Variants in MGAT4C observed in about 807,000 individuals in gnomAD.
MGAT4C encodes MGAT4 family member C.
Under a neutral mutation model 40.1 loss-of-function variants are expected in MGAT4C, and 19 were observed. The observed-to-expected ratio is 0.47, with a 90% CI of 0.33 to 0.70. The LOEUF is 0.70. Among genes scored for constraint, MGAT4C ranks in the 30% least tolerant of loss-of-function variants. MGAT4C has a pLI of 0.02. For missense variants in MGAT4C, 491 were observed against 563.2 expected, an observed-to-expected ratio of 0.87 and a Z score of 1.30; for synonymous variants, 181 against 187.1, an observed-to-expected ratio of 0.97 and a Z score of 0.27.
intron 2 of MGAT4C, among the ~76,000 whole-genome samples, chr12:86,666,720 G>C (rs1332340785): frequency 1.3e-5 from 2 of 152,056 alleles, no homozygotes; most frequent in Non-Finnish European, 2.9e-5. Flanking sequence ...AAGATTTCAA[G>C]TTTTTTTCCT....
chr12:86,632,199 C>T (rs1963069222), intron 2 of MGAT4C, among the ~76,000 whole-genome samples: 1 of 151,988 alleles, frequency 6.6e-6, no homozygotes, highest in African/African-American at 2.4e-5. Flanking sequence ...ATCAAAATCA[C>T]AATGAGATAG....
At chr12:86,813,648 T>C (rs980411374) in intron 1 of MGAT4C, among the ~76,000 whole-genome samples, 8 of 152,198 alleles carry the variant, frequency 5.3e-5, no homozygotes, top group Middle Eastern at 3.4e-3. Context: ...TCACTACATA[T>C]TTCTGAAAAA....
Position 85,989,459 on chromosome 12 carries a change from C to T in MGAT4C, c.88G>A (p.Gly30Arg). Reference sequence around the variant, plus strand: ...AAAAGGAGAAAAATGACAAGAACTCCCAAGAATGACACTGTAGAACGTTTT... The same window carrying T: ...AAAAGGAGAAAAATGACAAGAACTCTCAAGAATGACACTGTAGAACGTTTT... ...LRKRSTVSFLGVLVIFLLFMN... is the reference protein window; with the variant it reads ...LRKRSTVSFLRVLVIFLLFMN... Residue 30 changes from glycine to arginine, a missense_variant, in exon 3 of 5, where the codon GGA becomes AGA. Gly to Arg is a moderately radical substitution (Grantham distance 125). Transcript: ENST00000611864. 6.2e-7 allele frequency: 1 copy of T among 1,607,522 alleles called. No homozygotes were observed. The highest frequency in any genetic ancestry group is 8.5e-7 in the Non-Finnish European group (1 of 1,176,324).
At chr12:86,683,652 G>A (rs1243344472) in intron 2 of MGAT4C, among the ~76,000 whole-genome samples, 2 of 152,066 alleles carry the variant, frequency 1.3e-5, no homozygotes, top group African/African-American at 2.4e-5. Context: ...GACATAGAGT[G>A]AACCCACAGC....
At chr12:86,189,475 C>G (rs557712227) in intron 1 of MGAT4C, among the ~76,000 whole-genome samples, 22 of 151,716 alleles carry the variant, frequency 1.5e-4, no homozygotes, top group African/African-American at 4.6e-4. Flanking sequence ...AAACAAGGAG[C>G]ACTAGGAAAA....
At chr12:86,301,503 G>A (rs891398181) in intron 4 of MGAT4C, among the ~76,000 whole-genome samples, 1 of 152,066 alleles carries the variant, frequency 6.6e-6, no homozygotes, top group Non-Finnish European at 1.5e-5. Context: ...ATGCTCCTTG[G>A]TATAGAAATA....
chr12:86,056,644 T>C (rs1166225683), intron 1 of MGAT4C, among the ~76,000 whole-genome samples: 4 of 152,178 alleles, frequency 2.6e-5, no homozygotes, highest in African/African-American at 4.8e-5. Context: ...TGATGGACAT[T>C]TGGGCTGGTT....
At chr12:86,335,666 G>C (rs902521237) in intron 3 of MGAT4C, among the ~76,000 whole-genome samples, 12 of 152,070 alleles carry the variant, frequency 7.9e-5, no homozygotes, top group African/African-American at 2.9e-4. Flanking sequence ...GAATTCAGAA[G>C]TAATTATACT....
chr12:86,751,476 G>A (rs1180086983), intron 1 of MGAT4C, among the ~76,000 whole-genome samples: 1 of 151,926 alleles, frequency 6.6e-6, no homozygotes, highest in African/African-American at 2.4e-5. Context: ...AAAAACTATT[G>A]AAATTTTAGC....
chr12:86,275,886 G>A (rs1953065888), intron 4 of MGAT4C, among the ~76,000 whole-genome samples: 1 of 139,520 alleles, frequency 7.2e-6, no homozygotes, highest in African/African-American at 2.7e-5. Flanking sequence ...GGATCACGAC[G>A]TCAGGAGATC....
chr12:86,643,248 C>G (rs1432714481), intron 2 of MGAT4C, among the ~76,000 whole-genome samples: 1 of 151,758 alleles, frequency 6.6e-6, no homozygotes, highest in African/African-American at 2.4e-5. Context: ...CCGCCATGAC[C>G]TATACACCTG....
chr12:86,155,472 A>G (rs1004049191), intron 1 of MGAT4C, among the ~76,000 whole-genome samples: 1 of 152,188 alleles, frequency 6.6e-6, no homozygotes, highest in African/African-American at 2.4e-5. Flanking sequence ...AGGTGCTCTA[A>G]ACAGGACATG....
At chr12:86,476,124 T>A (rs561931041) in intron 2 of MGAT4C, among the ~76,000 whole-genome samples, 6 of 152,260 alleles carry the variant, frequency 3.9e-5, no homozygotes, top group African/African-American at 1.4e-4. Flanking sequence ...TAAAATACAA[T>A]ATGATGCAAT....
intron 3 of MGAT4C, among the ~76,000 whole-genome samples, chr12:86,361,720 C>A (rs140385061): frequency 0.085 from 12,909 of 152,162 alleles, 761 homozygotes; most frequent in Middle Eastern, 0.22. Flanking sequence ...ATGCAGCCAA[C>A]AGACACATGA....
At chr12:86,783,913 C>T (rs1417623876) in intron 1 of MGAT4C, among the ~76,000 whole-genome samples, 4 of 152,074 alleles carry the variant, frequency 2.6e-5, no homozygotes, top group Non-Finnish European at 5.9e-5. Flanking sequence ...TATCAATCTT[C>T]CTTATAATAC....
At chr12:86,514,922 T>C (rs995208993) in intron 2 of MGAT4C, among the ~76,000 whole-genome samples, 4 of 152,186 alleles carry the variant, frequency 2.6e-5, no homozygotes, top group Admixed American at 6.5e-5. Context: ...CAACCAAAAA[T>C]TCTACTTTCA....
rs1958647981 is a variant in MGAT4C, at chr12:86,514,385, TTA to T, written c.-228-79122_-228-79121del. Reference sequence around the variant, plus strand: ...CGTGGCTTAAAATGACACGAGTTTATTATATGTCTAAAGGTCAGAGATCTAAA... The same window carrying T: ...CGTGGCTTAAAATGACACGAGTTTATTATGTCTAAAGGTCAGAGATCTAAA... On this transcript the variant is annotated intron_variant, in intron 2 of 7. Coordinates refer to the MGAT4C transcript ENST00000548651. 2.6e-5 allele frequency among the ~76,000 whole-genome samples: 4 copies of T among 152,248 alleles called. No homozygotes were observed. The South Asian group carries it at 8.3e-4, about 32-fold the overall frequency.
At chr12:86,170,224 G>C (rs1283845038) in intron 1 of MGAT4C, among the ~76,000 whole-genome samples, 1 of 152,168 alleles carries the variant, frequency 6.6e-6, no homozygotes, top group Non-Finnish European at 1.5e-5. Flanking sequence ...AGCAAGAAAA[G>C]GGTAATTTGT....
chr12:86,003,049 C>T (rs957709707), intron 2 of MGAT4C, among the ~76,000 whole-genome samples: 1 of 152,104 alleles, frequency 6.6e-6, no homozygotes, highest in Non-Finnish European at 1.5e-5. Context: ...AATCCTCCTA[C>T]CTTTGTCTCC....
Sources: allele counts gnomAD v4.1 joint callset (sites outside exome capture counted in the v4.1 genomes callset), GRCh38; gene constraint gnomAD v4.1.1; transcripts MANE v1.5; gene names NCBI Gene and HGNC (gene_info 2026-07-23, HGNC 2026-07-21).